NOTCH1: variants seen among roughly 807,000 people sequenced by gnomAD.
NOTCH1 encodes the protein neurogenic locus notch homolog protein 1.
Under a neutral mutation model 254.8 loss-of-function variants are expected in NOTCH1, and 37 were observed. The observed-to-expected ratio is 0.15, with a 90% CI of 0.11 to 0.19. The LOEUF (loss-of-function observed/expected upper bound fraction) is 0.19. NOTCH1 is among the 10% of genes least tolerant of loss of function. The pLI, the probability that NOTCH1 is intolerant of heterozygous loss-of-function variation, is 1.00. For missense variants in NOTCH1, 2,972 were observed against 3,708.6 expected (o/e 0.80, Z 5.16); for synonymous variants, 1,731 against 1,618.1 (o/e 1.07, Z -1.68).
At position 136,515,278 on chromosome 9, in the gene NOTCH1, AG is replaced by A. The variant is rs1293617360; in HGVS notation, c.2014+11del. On this transcript the variant is annotated intron_variant, in intron 12 of 33. Transcript: ENST00000651671. ...CACAGTGCAGTCAGCCCCCACGTGCAGGGCCGCTCACCTGTGTAGCCCGGCT... is the reference window on the plus strand; with the variant it reads ...CACAGTGCAGTCAGCCCCCACGTGCAGGCCGCTCACCTGTGTAGCCCGGCT... 28 of 1,610,946 alleles carry A rather than the reference AG, an allele frequency of 1.7e-5. No individual in the cohort carries two copies. Among genetic ancestry groups the A allele is most frequent in the Non-Finnish European group, 2.2e-5 (26 of 1,178,396 alleles).
intron 2 of NOTCH1, among the ~76,000 whole-genome samples, chr9:136,530,109 C>T (rs559188765): frequency 2.6e-5 from 4 of 152,296 alleles, no homozygotes; most frequent in Admixed American, 6.5e-5. Flanking sequence ...CCGGAGACAG[C>T]GGGCAGCAGG....
chr9:136,508,680 C>T (rs972872318), intron 19 of NOTCH1, among the ~76,000 whole-genome samples, 190 bp downstream of exon 19: 2 of 152,234 alleles, frequency 1.3e-5, no homozygotes, highest in Non-Finnish European at 2.9e-5. Flanking sequence ...GGGATTGAAA[C>T]GAAGGTGCCT....
At chr9:136,530,016 GC>G (rs1331434304) in intron 2 of NOTCH1, among the ~76,000 whole-genome samples, 1 of 152,170 alleles carries the variant, frequency 6.6e-6, no homozygotes, top group African/African-American at 2.4e-5. Context: ...GGCTCCCAGG[GC>G]CCCAGGAAGG....
At position 136,514,537 on chromosome 9, in the gene NOTCH1, T is replaced by G; in HGVS notation, c.2180A>C (p.His727Pro). Reference sequence around the variant, plus strand: ...GTTGAGGCTGTCCCGGCAGGCCCCGTGGACGCAGGGGTTGCTGTTGCACTC... The same window carrying G: ...GTTGAGGCTGTCCCGGCAGGCCCCGGGGACGCAGGGGTTGCTGTTGCACTC... Reference protein sequence around the residue: ...VNECNSNPCVHGACRDSLNGY... With the variant: ...VNECNSNPCVPGACRDSLNGY... The change falls in exon 13 of 34, where the codon CAC becomes CCC. Residue 727 changes from histidine (H) to proline (P), a missense_variant. His to Pro is a moderately conservative substitution (Grantham distance 77). Transcript: ENST00000651671. 1 of 1,596,492 alleles carries G rather than the reference T, an allele frequency of 6.3e-7. No individual in the cohort carries two copies. Among genetic ancestry groups the G allele is most frequent in the Non-Finnish European group, 8.5e-7 (1 of 1,172,824 alleles).
At chr9:136,524,001 C>A (rs2133379961) in intron 2 of NOTCH1, 22 bp from the exon 3 acceptor site, 1 of 1,541,562 alleles carries the variant, frequency 6.5e-7, no homozygotes, top group Non-Finnish European at 8.7e-7. Context: ...TGTGCCAGGG[C>A]AGTTAGTTCC....
intron 2 of NOTCH1, among the ~76,000 whole-genome samples, chr9:136,538,507 A>G (rs1352451602): frequency 6.6e-6 from 1 of 152,244 alleles, no homozygotes; most frequent in African/African-American, 2.4e-5. Context: ...CGGGCCCCAC[A>G]GGAGAAAGCG....
intron 2 of NOTCH1, among the ~76,000 whole-genome samples, chr9:136,530,618 G>A (rs998995141): frequency 1.5e-4 from 23 of 152,284 alleles, no homozygotes; most frequent in African/African-American, 4.8e-4. Flanking sequence ...TGTGAAAAAC[G>A]CCTGCTGGAG....
chr9:136,507,690 G>A (rs1386440777), intron 21 of NOTCH1, among the ~76,000 whole-genome samples: 1 of 152,166 alleles, frequency 6.6e-6, no homozygotes, highest in Non-Finnish European at 1.5e-5. Flanking sequence ...AGGGCCTCAG[G>A]GTAGGTGTTG....
intron 2 of NOTCH1, among the ~76,000 whole-genome samples, chr9:136,533,906 G>C (rs1589078702): frequency 6.6e-6 from 1 of 152,236 alleles, no homozygotes; most frequent in African/African-American, 2.4e-5. Flanking sequence ...AGGCACGAAC[G>C]CATCTCTAAT....
In NOTCH1 at chr9:136,509,004, A is replaced by G; in HGVS notation, c.3037T>C (p.Phe1013Leu). 1 of 1,561,732 alleles carries G rather than the reference A, an allele frequency of 6.4e-7. No homozygotes were observed. The highest frequency in any genetic ancestry group is 8.7e-7 in the Non-Finnish European group (1 of 1,153,712). ...TCGTGCTGGCAGTAGCTGCCCGTGA[A>G]GCCGGGTGGACACAGGCAGGTGAAC... Reference protein sequence around the residue: ...NSFTCLCPPGFTGSYCQHDVN... With the variant: ...NSFTCLCPPGLTGSYCQHDVN... The change falls in exon 19 of 34, where the codon TTC becomes CTC. Residue 1013 changes from phenylalanine (F) to leucine (L), a missense_variant. Physicochemically the swap from Phe to Leu is conservative, Grantham distance 22. This residue lies in a region of NOTCH1 where 1,343 missense variants were observed against 1,557.0 expected (regional missense o/e 0.86). Coordinates refer to ENST00000651671, the MANE Select transcript of NOTCH1 (RefSeq NM_017617.5).
In NOTCH1 at chr9:136,496,489, G is replaced by A. The variant is rs370652630; in HGVS notation, c.7250C>T (p.Pro2417Leu). 55 of 1,601,780 alleles carry A rather than the reference G, an allele frequency of 3.4e-5. No individual in the cohort carries two copies. Among genetic ancestry groups the A allele is most frequent in the Middle Eastern group, 1.7e-4 (1 of 6,052 alleles). ...SLQPPPPPPQ[P>L]HLGVSSAASG... The stretch of plus-strand genomic sequence containing the variant: ...GGCTGCTGAGCTCACGCCAAGGTGC[G>A]GCTGTGGTGGTGGTGGTGGCGGCTG... Residue 2417 changes from proline to leucine, a missense_variant, in exon 34 of 34, where the codon CCG (proline) becomes CTG (leucine). Transcript: ENST00000651671.
Position 136,504,714 on chromosome 9 carries a change from A to C in NOTCH1, c.4977T>G (p.Gly1659=), listed in dbSNP as rs1406907945. Residue 1659 remains glycine, a synonymous_variant, in exon 26 of 34, where the codon GGT becomes GGG. Coordinates refer to ENST00000651671, the MANE Select transcript of NOTCH1 (RefSeq NM_017617.5). ...GGTCCAGCTCCCTCCGCCGCCGCCCACCCTCGCTGCCACCAGGGAGCAGCG... is the reference window on the plus strand; with the variant it reads ...GGTCCAGCTCCCTCCGCCGCCGCCCCCCCTCGCTGCCACCAGGGAGCAGCG... ...KASLLPGGSE[G]GRRRRELDPM... The C allele has an allele frequency of 1.0e-5, 16 of 1,539,362 alleles. No homozygotes were observed. The highest frequency in any genetic ancestry group is 1.4e-5 in the Non-Finnish European group (16 of 1,141,174).
chr9:136,504,723 G>A lies in NOTCH1; in HGVS notation c.4968C>T (p.Gly1656=). The change falls in exon 26 of 34, where the codon GGC becomes GGT. Residue 1656 remains glycine, a synonymous_variant. Coordinates refer to ENST00000651671, the MANE Select transcript of NOTCH1 (RefSeq NM_017617.5). The part of the protein sequence containing the change: ...GQVKASLLPG[G]SEGGRRRREL... ...CCCTCCGCCGCCGCCCACCCTCGCT[G>A]CCACCAGGGAGCAGCGAGGCCTTCA... The A allele has an allele frequency of 1.3e-6, 2 of 1,542,056 alleles. No homozygotes were observed. Among genetic ancestry groups the A allele is most frequent in the South Asian group, 1.2e-5 (1 of 83,758 alleles).
At chr9:136,503,729 G>T (rs1176300289) in intron 26 of NOTCH1, among the ~76,000 whole-genome samples, 2 of 152,206 alleles carry the variant, frequency 1.3e-5, no homozygotes, top group Non-Finnish European at 2.9e-5. Flanking sequence ...TGCAGCGGTG[G>T]TGGGCTGTGT....
rs757673679 is a variant in NOTCH1 at position 136,499,265 on chromosome 9, C to A, written c.5935-6G>T. On this transcript the variant is annotated splice_region_variant and splice_polypyrimidine_tract_variant and intron_variant, in intron 31 of 33. Transcript: ENST00000651671. ...GCTCGGTTCCGGATCAGGATCTGGG[C>A]AACAGGGAGAGGCTCAGGCGGGTGC... The A allele has an allele frequency of 4.3e-6, 7 of 1,612,298 alleles. No homozygotes were observed. Among genetic ancestry groups the A allele is most frequent in the Middle Eastern group, 1.7e-4 (1 of 6,054 alleles).
In NOTCH1 at chr9:136,513,745, G is replaced by C. The variant is rs1017340862; in HGVS notation, c.2208-208C>G. Among the ~76,000 whole-genome samples, 5 of 152,174 alleles carry C rather than the reference G, an allele frequency of 3.3e-5. No homozygotes were observed. The highest frequency in any genetic ancestry group is 9.7e-5 in the African/African-American group (4 of 41,430). On this transcript the variant is annotated intron_variant, in intron 13 of 33. Transcript: ENST00000651671. The surrounding 1 kb of genome is among the most constrained non-coding windows in gnomAD (Gnocchi z 4.7). ...AGGCGGGGGTGGCTGAGTCACTTGA[G>C]GCCAGGAGTTCAAGATCAGCCTGGC...
rs2133379700 is a variant in NOTCH1 at position 136,523,931 on chromosome 9, G to A, written c.189C>T (p.Cys63=). 1.3e-6 allele frequency: 2 copies of A among 1,589,318 alleles called. No homozygotes were observed. The highest frequency in any genetic ancestry group is 1.7e-6 in the Non-Finnish European group (2 of 1,168,202). The change falls in exon 3 of 34, where the codon TGC becomes TGT. Residue 63 remains cysteine, a synonymous_variant. Transcript: ENST00000651671. ...CGGCGTTCTTGCAGGGGGTGCTGAG[G>A]CACGGGTTGGGGTCCTGGCATCGCG... ...VGPRCQDPNP[C]LSTPCKNAGT...
Position 136,502,261 on chromosome 9 carries a change from C to T in NOTCH1, c.5384+11G>A, listed in dbSNP as rs1340470620. On this transcript the variant is annotated intron_variant, in intron 28 of 33. Transcript: ENST00000651671. ...ACCGGGGACCCAGAAGCAGGGGCGG[C>T]GTCCGCTCACTTGAGGCCCACGGAG... 10 of 1,609,470 alleles carry T rather than the reference C, an allele frequency of 6.2e-6. No homozygotes were observed. The Admixed American group carries it at 6.7e-5, about 11-fold the overall frequency.
In NOTCH1 at chr9:136,523,809, T is replaced by C. The variant is rs199654211; in HGVS notation, c.311A>G (p.Asn104Ser). The change falls in exon 3 of 34, where the codon AAT becomes AGT. Residue 104 changes from asparagine to serine, a missense_variant. By Grantham distance (46) the Asn-to-Ser change is conservative. Coordinates refer to ENST00000651671, the MANE Select transcript of NOTCH1 (RefSeq NM_017617.5). ...GCGGCAGGGGTTGGTGAGGCAGGCA[T>C]TGTCCAGGGGTGTCAGGCAGAGGGG... ...SGPLCLTPLD[N>S]ACLTNPCRNG... 1,066 of 1,611,636 alleles carry C rather than the reference T, an allele frequency of 6.6e-4. 3 individuals are homozygous for C. The highest frequency in any genetic ancestry group is 3.2e-3 in the South Asian group (288 of 90,908).
Sources: gnomAD v4.1 joint callset for allele counts (sites outside exome capture counted in the v4.1 genomes callset) on GRCh38, gnomAD v4.1.1 for gene constraint, gnomAD v4.1.1 regional missense constraint, Gnocchi (gnomAD v3.1) non-coding constraint, MANE v1.5 for transcripts, NCBI Gene and HGNC (gene_info 2026-07-23, HGNC 2026-07-21) for gene names.